WWOX: variants seen among roughly 807,000 people sequenced by gnomAD.
WWOX encodes WW domain containing oxidoreductase.
A neutral mutation model predicts 46.2 loss-of-function variants in WWOX; 69 were observed. The observed-to-expected ratio is 1.49, with a 90% CI of 1.23 to 1.82. The LOEUF is 1.82. WWOX is among the 40% of genes most tolerant of loss of function. The probability of loss-of-function intolerance (pLI) is 0.00; values close to 1 mark genes in which losing one functional copy is unlikely to be tolerated. For missense variants in WWOX, 919 were observed against 542.6 expected, an observed-to-expected ratio of 1.69 and a Z score of -6.89; for synonymous variants, 359 against 202.6, an observed-to-expected ratio of 1.77 and a Z score of -6.56.
chr16:78,814,844 A>G (rs1245436402), intron 8 of WWOX, among the ~76,000 whole-genome samples: 1 of 151,946 alleles, frequency 6.6e-6, no homozygotes, highest in Non-Finnish European at 1.5e-5. Context: ...CCCTTGCAAA[A>G]CCACCCTTGG....
intron 8 of WWOX, among the ~76,000 whole-genome samples, chr16:78,710,123 A>T (rs986124514): frequency 2.6e-5 from 4 of 152,064 alleles, no homozygotes; most frequent in Middle Eastern, 3.4e-3. Context: ...ACATACTCCT[A>T]CAGGGATGTC....
chr16:78,867,846 C>G (rs979222064), intron 8 of WWOX, among the ~76,000 whole-genome samples: 1 of 152,182 alleles, frequency 6.6e-6, no homozygotes, highest in Non-Finnish European at 1.5e-5. Flanking sequence ...CAGACCATGA[C>G]ATGCCTACTA....
chr16:78,122,108 C>G (rs183884230), intron 4 of WWOX, among the ~76,000 whole-genome samples: 18 of 152,228 alleles, frequency 1.2e-4, no homozygotes, highest in Non-Finnish European at 2.1e-4. Context: ...TATTGTTGAT[C>G]TCTTACTGTG....
intron 5 of WWOX, among the ~76,000 whole-genome samples, chr16:78,359,066 G>C (rs1290542901): frequency 2.0e-5 from 3 of 152,034 alleles, no homozygotes; most frequent in Admixed American, 6.5e-5. Flanking sequence ...TAAATAAGAA[G>C]TTTAAATGCA....
chr16:78,724,840 A>T (rs1477764496), intron 8 of WWOX, among the ~76,000 whole-genome samples: 2 of 152,094 alleles, frequency 1.3e-5, no homozygotes, highest in African/African-American at 4.8e-5. Flanking sequence ...TCTCCATCTG[A>T]TTCTTACCTC....
intron 8 of WWOX, among the ~76,000 whole-genome samples, chr16:78,709,431 C>T (rs141759864): frequency 2.0e-5 from 3 of 152,098 alleles, no homozygotes; most frequent in South Asian, 2.1e-4. Flanking sequence ...TGCAAGTAAT[C>T]GGGCTCTGTC....
chr16:79,085,284 C>A (rs2048833944), intron 8 of WWOX, among the ~76,000 whole-genome samples: 1 of 152,076 alleles, frequency 6.6e-6, no homozygotes, highest in Non-Finnish European at 1.5e-5. Flanking sequence ...CTTAGATTTT[C>A]CCAATGATGA....
chr16:78,753,838 ATATATATATATATATATGTATATG>A (rs1366912772), intron 8 of WWOX, among the ~76,000 whole-genome samples: 3 of 102,796 alleles, frequency 2.9e-5, no homozygotes, highest in African/African-American at 1.3e-4. Flanking sequence ...ATATATATAT[ATATATATATATATATATGTATATG>A]TATATGTATA....
chr16:78,996,450 T>A, intron 8 of WWOX: 1 of 485,998 alleles, frequency 2.1e-6, no homozygotes, highest in Non-Finnish European at 2.6e-6. Flanking sequence ...ATATTCAAAG[T>A]GCTCAGCACT....
rs148923976 is a variant in WWOX, at chr16:78,666,436, C to G, written c.1056+233684C>G. 8.8e-3 allele frequency among the ~76,000 whole-genome samples: 1,346 copies of G among 152,258 alleles called. 16 individuals are homozygous for G. Among genetic ancestry groups the G allele is most frequent in the African/African-American group, 0.031 (1,274 of 41,560 alleles). ...ACAACCCAAGCCCCAGTGTGTCACG[C>G]CATTACATGCTTACAGCCTATTTTT... On this transcript the variant is annotated intron_variant, in intron 8 of 8. Transcript: ENST00000566780.
chr16:78,365,725 A>C (rs142025607), intron 5 of WWOX, among the ~76,000 whole-genome samples: 1 of 151,964 alleles, frequency 6.6e-6, no homozygotes, highest in Non-Finnish European at 1.5e-5. Flanking sequence ...TCTGTAAGCA[A>C]TCTCCTTATT....
At chr16:78,381,947 C>T (rs76228277) in intron 5 of WWOX, among the ~76,000 whole-genome samples, 2,002 of 152,306 alleles carry the variant, frequency 0.013, 43 homozygotes, top group African/African-American at 0.045. Context: ...CTCACGGCAG[C>T]CTCGACTTTC....
chr16:79,044,046 G>A (rs910429305), intron 8 of WWOX, among the ~76,000 whole-genome samples: 1 of 152,326 alleles, frequency 6.6e-6, no homozygotes, highest in East Asian at 1.9e-4. Context: ...AGAGGCTTCG[G>A]CCCTGCCCAG....
rs571269407 is a variant in WWOX at position 78,698,965 on chromosome 16, C to G, written c.1056+266213C>G. Among the ~76,000 whole-genome samples, 3 of 152,308 alleles carry G rather than the reference C, an allele frequency of 2.0e-5. No individual in the cohort carries two copies. The South Asian group carries it at 6.2e-4, about 32-fold the overall frequency. The stretch of plus-strand genomic sequence containing the variant: ...ATCATTTGTACATTTAAAATAGAAA[C>G]TGTTAGGCCAATGTGTTATTCTAGA... On this transcript the variant is annotated intron_variant, in intron 8 of 8. Transcript: ENST00000566780.
At chr16:78,469,362 G>A (rs2738676) in intron 8 of WWOX, among the ~76,000 whole-genome samples, 22,415 of 152,132 alleles carry the variant, frequency 0.15, 1,993 homozygotes, top group Admixed American at 0.25. Flanking sequence ...TACAAAGGCA[G>A]ACTCTTAAGC....
At chr16:78,509,720 G>A (rs1218399774) in intron 8 of WWOX, among the ~76,000 whole-genome samples, 1 of 152,100 alleles carries the variant, frequency 6.6e-6, no homozygotes, top group Admixed American at 6.5e-5. Flanking sequence ...ATATTGTCTT[G>A]ACTTAGAAAG....
At chr16:78,597,666 C>T (rs1487314571) in intron 8 of WWOX, among the ~76,000 whole-genome samples, 6 of 151,676 alleles carry the variant, frequency 4.0e-5, no homozygotes, top group African/African-American at 7.3e-5. Context: ...CTTTCCAAAC[C>T]CCTAAATTGT....
chr16:78,235,879 G>C (rs569126009), intron 5 of WWOX, among the ~76,000 whole-genome samples: 16 of 152,190 alleles, frequency 1.1e-4, no homozygotes, highest in Non-Finnish European at 1.9e-4. Context: ...CCCAGCAGAG[G>C]GGCTGTAGCA....
chr16:79,182,789 C>G (rs553642700), intron 8 of WWOX, among the ~76,000 whole-genome samples: 1 of 152,166 alleles, frequency 6.6e-6, no homozygotes, highest in Non-Finnish European at 1.5e-5. Context: ...TGAGACACTT[C>G]GTGCCTGGCA....
Sources: gnomAD v4.1 joint callset for allele counts (sites outside exome capture counted in the v4.1 genomes callset) on GRCh38, gnomAD v4.1.1 for gene constraint, MANE v1.5 for transcripts, NCBI Gene and HGNC (gene_info 2026-07-23, HGNC 2026-07-21) for gene names.